Variants in UNKL observed in about 807,000 individuals in gnomAD.
UNKL encodes unk like zinc finger.
Under a neutral mutation model 78.0 loss-of-function variants are expected in UNKL, and 60 were observed. That is an observed-to-expected ratio of 0.77 (90% confidence interval 0.63 to 0.95). The LOEUF is 0.95. Among genes scored for constraint, UNKL ranks in the 40% least tolerant of loss-of-function variants. The probability of loss-of-function intolerance (pLI) is 0.00; values close to 1 mark genes in which losing one functional copy is unlikely to be tolerated. For synonymous variants in UNKL, 608 were observed against 474.8 expected (o/e 1.28, Z -3.65); for missense variants, 1,159 against 1,045.7 (o/e 1.11, Z -1.49).
chr16:1,378,938 G>A (rs2036442364), intron 10 of UNKL: 1 of 152,354 alleles, frequency 6.6e-6, no homozygotes, highest in Non-Finnish European at 1.5e-5. Flanking sequence ...GTTAGACCCA[G>A]ATCTTCTGAA....
At position 1,364,373 on chromosome 16, in the gene UNKL, G is replaced by A. The variant is rs770543918; in HGVS notation, c.*1867C>T. The A allele has an allele frequency of 6.6e-6, 1 of 152,198 alleles. No homozygotes were observed. Among genetic ancestry groups the A allele is most frequent in the East Asian group, 1.9e-4 (1 of 5,206 alleles). The allele number at this position is 152,198 out of a possible 1,614,324, so 9.4% of individuals were successfully genotyped here. Reference sequence around the variant, plus strand: ...TGATGATAAAGATTTTTACCTAGACGTTTTGCACTTAAAAAATGCTATTAA... The same window carrying A: ...TGATGATAAAGATTTTTACCTAGACATTTTGCACTTAAAAAATGCTATTAA... On this transcript the variant is annotated 3_prime_UTR_variant, in exon 15 of 15. Coordinates refer to ENST00000389221, the MANE Select transcript of UNKL (RefSeq NM_001372107.1).
intron 6 of UNKL, among the ~76,000 whole-genome samples, chr16:1,394,895 TGA>T (rs966843699): frequency 6.6e-6 from 1 of 152,224 alleles, no homozygotes; most frequent in Non-Finnish European, 1.5e-5. Flanking sequence ...GTTTGTTTTT[TGA>T]GAGAGAGTCT....
chr16:1,369,633 T>C (rs1172367607), intron 12 of UNKL, among the ~76,000 whole-genome samples: 1 of 152,198 alleles, frequency 6.6e-6, no homozygotes. Context: ...CCTCCCAAAG[T>C]GCTGGGATTA....
At chr16:1,378,002 G>A (rs532261593) in intron 10 of UNKL, among the ~76,000 whole-genome samples, 10 of 152,268 alleles carry the variant, frequency 6.6e-5, no homozygotes, top group African/African-American at 2.4e-4. Context: ...GTGCCCTTGC[G>A]CGTGCCGGTC....
chr16:1,402,808 C>A (rs2037586956), intron 3 of UNKL, among the ~76,000 whole-genome samples: 1 of 151,382 alleles, frequency 6.6e-6, no homozygotes, highest in African/African-American at 2.4e-5. Flanking sequence ...CATGGTGAAA[C>A]CCCATCTCTA....
intron 2 of UNKL, among the ~76,000 whole-genome samples, chr16:1,405,528 A>G (rs1329000463): frequency 6.6e-6 from 1 of 151,832 alleles, no homozygotes; most frequent in Non-Finnish European, 1.5e-5. Context: ...GTGAACCGAG[A>G]TCGCGCCACT....
At chr16:1,410,267 GAA>G (rs57597459) in intron 2 of UNKL, among the ~76,000 whole-genome samples, 5 of 101,432 alleles carry the variant, frequency 4.9e-5, no homozygotes, top group Non-Finnish European at 4.1e-5. Flanking sequence ...CCCTGTCTCA[GAA>G]AAAAAAAAAA....
chr16:1,413,158 T>A (rs772897342), intron 2 of UNKL, among the ~76,000 whole-genome samples: 4 of 147,084 alleles, frequency 2.7e-5, no homozygotes, highest in Non-Finnish European at 5.9e-5. Flanking sequence ...GAAGGGAAGA[T>A]CACTTGAGCC....
chr16:1,389,451 T>G (rs1273932111), intron 9 of UNKL, among the ~76,000 whole-genome samples: 2 of 152,140 alleles, frequency 1.3e-5, no homozygotes, highest in African/African-American at 4.8e-5. Flanking sequence ...GGTGTATGCC[T>G]GGGGTCCCAG....
At chr16:1,379,737 G>A (rs983991908) in intron 10 of UNKL, 72 of 961,466 alleles carry the variant, frequency 7.5e-5, no homozygotes, top group Non-Finnish European at 8.5e-5. Context: ...ACGTGACTCG[G>A]CCCCGCCCCC....
At chr16:1,370,951 C>T (rs983901396) in intron 11 of UNKL, among the ~76,000 whole-genome samples, 3 of 151,936 alleles carry the variant, frequency 2.0e-5, no homozygotes, top group South Asian at 2.1e-4. Flanking sequence ...GGCGTGGTGG[C>T]GGGCACCTGT....
chr16:1,399,369 C>G lies in UNKL; in HGVS notation c.734+5G>C, dbSNP rs1321745432. The G allele has an allele frequency of 6.3e-7, 1 of 1,582,180 alleles. No individual in the cohort carries two copies. Among genetic ancestry groups the G allele is most frequent in the Non-Finnish European group, 8.6e-7 (1 of 1,161,940 alleles). On this transcript the variant is annotated splice_donor_5th_base_variant and intron_variant, in intron 5 of 14. Coordinates refer to ENST00000389221, the MANE Select transcript of UNKL (RefSeq NM_001372107.1). The surrounding 1 kb of genome is among the most constrained non-coding windows in gnomAD (Gnocchi z 5.8). The stretch of plus-strand genomic sequence containing the variant: ...AGTCCTCTGAGCACGGTCCCGCAGG[C>G]TCACCTGTACTGGAACCGCCGGGGG...
chr16:1,399,295 C>T lies in UNKL; in HGVS notation c.734+79G>A, dbSNP rs903355083. ...AAGGGCAGCCCTCCCATTAGAACCC[C>T]GGGGTGGGCAACGCGAGCCACGGGC... On this transcript the variant is annotated intron_variant, in intron 5 of 14. Coordinates refer to ENST00000389221, the MANE Select transcript of UNKL (RefSeq NM_001372107.1). This position sits in a 1 kb window ranked among gnomAD's most constrained non-coding sequence, Gnocchi z 5.8. 205 of 1,446,390 alleles carry T rather than the reference C, an allele frequency of 1.4e-4. No individual in the cohort carries two copies. The highest frequency in any genetic ancestry group is 1.8e-4 in the Non-Finnish European group (201 of 1,100,994). The allele number at this position is 1,446,390 out of a possible 1,614,324, so 89.6% of individuals were successfully genotyped here.
chr16:1,401,309 G>A, intron 4 of UNKL: 1 of 392,942 alleles, frequency 2.5e-6, no homozygotes, highest in Non-Finnish European at 4.4e-6. Flanking sequence ...TCGGCCACTT[G>A]GTCAATGGCT....
intron 2 of UNKL, among the ~76,000 whole-genome samples, chr16:1,404,209 A>G (rs1348688157): frequency 1.3e-5 from 2 of 152,200 alleles, no homozygotes; most frequent in Non-Finnish European, 2.9e-5. Context: ...CCAAGGGCCA[A>G]GGCAGAGGAT....
rs199809188 is a variant in UNKL at position 1,383,721 on chromosome 16, G to A, written c.1264+1487C>T. ...GCGGCTCTCGGGCAAGAGTCATTGC[G>A]GGTCTGGCCGCCGGGCCGCCGCCCA... is the stretch of plus-strand genomic sequence containing the variant. On this transcript the variant is annotated intron_variant, in intron 10 of 14. Coordinates refer to ENST00000389221, the MANE Select transcript of UNKL (RefSeq NM_001372107.1). 156 of 402,090 alleles carry A rather than the reference G, an allele frequency of 3.9e-4. 2 individuals are homozygous for A. Among genetic ancestry groups the A allele is most frequent in the Non-Finnish European group, 1.4e-4 (26 of 192,140 alleles). The allele number at this position is 402,090 out of a possible 1,614,324, so 24.9% of individuals were successfully genotyped here. A position where few individuals can be genotyped will look rare whatever the true frequency, so the allele number is the denominator to read the frequency against.
intron 10 of UNKL, among the ~76,000 whole-genome samples, chr16:1,382,811 G>A (rs757761665): frequency 2.1e-4 from 32 of 151,544 alleles, no homozygotes; most frequent in Non-Finnish European, 2.5e-4. Flanking sequence ...CACAAAAAAC[G>A]GCCAGGTGTG....
chr16:1,398,700 AGGT>A, intron 5 of UNKL: 1 of 339,648 alleles, frequency 2.9e-6, no homozygotes, highest in Admixed American at 3.0e-4. Flanking sequence ...CCCCCCTCTC[AGGT>A]GCAAACTGCA....
At chr16:1,414,590 G>T in intron 1 of UNKL, 25 bp downstream of exon 1, 1 of 1,015,020 alleles carries the variant, frequency 9.9e-7, no homozygotes, top group Non-Finnish European at 1.2e-6. Context: ...GCGGGCGGGG[G>T]GCCGCAGGCC....
Sources: gnomAD v4.1 joint callset for allele counts (sites outside exome capture counted in the v4.1 genomes callset) on GRCh38, gnomAD v4.1.1 for gene constraint, Gnocchi (gnomAD v3.1) non-coding constraint, MANE v1.5 for transcripts, NCBI Gene and HGNC (gene_info 2026-07-23, HGNC 2026-07-21) for gene names.